Variants in SPIRE1 observed in about 807,000 individuals in gnomAD.
SPIRE1 encodes the protein protein spire homolog 1.
In SPIRE1, 40 loss-of-function variants were observed where a neutral mutation model predicts 94.1. That is an observed-to-expected ratio of 0.43 (90% CI 0.33 to 0.55). SPIRE1 has a LOEUF of 0.55. Among genes scored for constraint, SPIRE1 ranks in the 20% least tolerant of loss-of-function variants. SPIRE1 has a pLI of 0.06. For missense variants in SPIRE1, 838 were observed against 975.2 expected, an observed-to-expected ratio of 0.86 and a Z score of 1.87; for synonymous variants, 376 against 371.7, an observed-to-expected ratio of 1.01 and a Z score of -0.13.
chr18:12,626,886 A>ATATATATT (rs55915333), intron 2 of SPIRE1, among the ~76,000 whole-genome samples: 31 of 111,890 alleles, frequency 2.8e-4, no homozygotes, highest in South Asian at 6.9e-4. Flanking sequence ...ATATATATAT[A>ATATATATT]TTTTTTTTTT....
chr18:12,613,565 G>T (rs987227196), intron 2 of SPIRE1, among the ~76,000 whole-genome samples: 20 of 152,162 alleles, frequency 1.3e-4, no homozygotes, highest in African/African-American at 4.3e-4. Flanking sequence ...AGATTTGAAA[G>T]ACTTCATAAG....
intron 10 of SPIRE1, among the ~76,000 whole-genome samples, chr18:12,469,101 G>A (rs544352717): frequency 2.4e-4 from 37 of 152,218 alleles, no homozygotes; most frequent in African/African-American, 8.7e-4. Context: ...CTGAATCTCC[G>A]TTTTAAAGTA....
intron 2 of SPIRE1, among the ~76,000 whole-genome samples, chr18:12,610,219 T>TTAAC (rs752647769): frequency 5.9e-5 from 9 of 152,168 alleles, no homozygotes; most frequent in Non-Finnish European, 1.0e-4. Context: ...CTTGGTGATT[T>TTAAC]TAACATATGT....
chr18:12,607,931 C>G (rs1479007077), intron 2 of SPIRE1, among the ~76,000 whole-genome samples: 1 of 152,062 alleles, frequency 6.6e-6, no homozygotes, highest in East Asian at 1.9e-4. Flanking sequence ...CTGAGGCGGG[C>G]AGATCACAAG....
chr18:12,594,730 G>A (rs1213052244), intron 2 of SPIRE1, among the ~76,000 whole-genome samples: 1 of 152,042 alleles, frequency 6.6e-6, no homozygotes, highest in Admixed American at 6.6e-5. Flanking sequence ...AAGTGCATGG[G>A]TCCACTTATA....
chr18:12,485,190 C>T lies in SPIRE1; in HGVS notation c.1231+769G>A, dbSNP rs187744399. The stretch of plus-strand genomic sequence containing the variant: ...CGCGATCTCGGCTCACTGCAACCTC[C>T]GCCTCCTGGCTTCAAGCAATTCTCC... On this transcript the variant is annotated intron_variant, in intron 9 of 16. Coordinates refer to ENST00000409402, the MANE Select transcript of SPIRE1 (RefSeq NM_001128626.2). 1.5e-3 allele frequency among the ~76,000 whole-genome samples: 234 copies of T among 151,702 alleles called. 5 individuals carry two copies. In the South Asian group the frequency reaches 0.031, roughly 20 times the overall value.
chr18:12,495,161 T>C (rs2033411808), intron 7 of SPIRE1, among the ~76,000 whole-genome samples: 1 of 152,160 alleles, frequency 6.6e-6, no homozygotes, highest in Non-Finnish European at 1.5e-5. Flanking sequence ...AGAAATACTA[T>C]TCACTTTCTA....
chr18:12,568,286 G>T (rs1218933900), intron 2 of SPIRE1, among the ~76,000 whole-genome samples: 2 of 152,206 alleles, frequency 1.3e-5, no homozygotes, highest in Non-Finnish European at 2.9e-5. Flanking sequence ...TTACTACAAA[G>T]TTACCTTTGC....
intron 4 of SPIRE1, among the ~76,000 whole-genome samples, chr18:12,533,566 G>A (rs1410328973): frequency 6.6e-6 from 1 of 152,178 alleles, no homozygotes; most frequent in African/African-American, 2.4e-5. Flanking sequence ...CAGTAGAGTA[G>A]TAAAAATACT....
At chr18:12,571,028 G>T (rs1452230587) in intron 2 of SPIRE1, among the ~76,000 whole-genome samples, 1 of 151,750 alleles carries the variant, frequency 6.6e-6, no homozygotes. Flanking sequence ...TTTCAGACCT[G>T]GTAAAAGGTT....
chr18:12,610,820 C>T (rs2037118942), intron 2 of SPIRE1, among the ~76,000 whole-genome samples: 1 of 152,158 alleles, frequency 6.6e-6, no homozygotes, highest in Non-Finnish European at 1.5e-5. Context: ...AATGACCCTG[C>T]TTTCCATTTC....
intron 2 of SPIRE1, among the ~76,000 whole-genome samples, chr18:12,626,244 T>C (rs1369911909): frequency 1.3e-5 from 2 of 152,168 alleles, no homozygotes; most frequent in East Asian, 1.9e-4. Context: ...AAAATTGATA[T>C]AGCCCTGTTT....
Position 12,450,621 on chromosome 18 carries a change from A to T in SPIRE1, c.2013-725T>A. On this transcript the variant is annotated intron_variant, in intron 16 of 16. Transcript: ENST00000409402. The stretch of plus-strand genomic sequence containing the variant: ...ACAATGTCTGGGAAAGAGAAGTCTA[A>T]ATTTGATGAAATGGCAAAGGTGGAT... The T allele has an allele frequency of 7.0e-6, 4 of 575,326 alleles. 1 individual carries two copies. In the South Asian group the frequency reaches 8.9e-5, roughly 13 times the overall value. The allele number at this position is 575,326 out of a possible 1,614,324, so 35.6% of individuals were successfully genotyped here.
At chr18:12,514,189 C>T (rs1423369296) in intron 4 of SPIRE1, among the ~76,000 whole-genome samples, 1 of 152,192 alleles carries the variant, frequency 6.6e-6, no homozygotes, top group Non-Finnish European at 1.5e-5. Context: ...TGCACACTGG[C>T]TGCCACCTTC....
intron 2 of SPIRE1, among the ~76,000 whole-genome samples, chr18:12,554,653 C>G (rs2035448993): frequency 6.6e-6 from 1 of 151,924 alleles, no homozygotes; most frequent in South Asian, 2.1e-4. Flanking sequence ...GTGAGTAATC[C>G]CCTGACATCA....
chr18:12,635,370 A>G (rs1470544339), intron 1 of SPIRE1, among the ~76,000 whole-genome samples: 3 of 152,228 alleles, frequency 2.0e-5, no homozygotes, highest in African/African-American at 7.2e-5. Context: ...ATACAGATAT[A>G]TAAATCAATC....
At chr18:12,581,149 C>T (rs28489475) in intron 2 of SPIRE1, among the ~76,000 whole-genome samples, 3,081 of 152,138 alleles carry the variant, frequency 0.02, 116 homozygotes, top group African/African-American at 0.07. Context: ...TTGAGAATTC[C>T]ACAGGTGAGA....
intron 2 of SPIRE1, among the ~76,000 whole-genome samples, chr18:12,611,808 C>G (rs557848124): frequency 6.6e-6 from 1 of 151,254 alleles, no homozygotes; most frequent in East Asian, 2.0e-4. Flanking sequence ...GGACTATAGG[C>G]GTGCACCACC....
At chr18:12,545,373 G>A (rs954241762) in intron 3 of SPIRE1, among the ~76,000 whole-genome samples, 6 of 152,126 alleles carry the variant, frequency 3.9e-5, no homozygotes, top group East Asian at 3.9e-4. Context: ...GAGTCCTTGA[G>A]AGTTGTACCA....
Sources: gnomAD v4.1 joint callset for allele counts (sites outside exome capture counted in the v4.1 genomes callset) on GRCh38, gnomAD v4.1.1 for gene constraint, MANE v1.5 for transcripts, NCBI Gene and HGNC (gene_info 2026-07-23, HGNC 2026-07-21) for gene names.